The following EPG5 variants were observed in gnomAD, a reference collection of about 807,000 sequenced individuals.
EPG5 encodes the protein ectopic P granules protein 5 homolog.
A neutral mutation model predicts 302.7 loss-of-function variants in EPG5; 159 were observed. The ratio of observed to expected loss-of-function variants is 0.53; its 90% CI spans 0.46 to 0.60. EPG5 has a LOEUF of 0.60. EPG5 is among the 20% of genes least tolerant of loss of function. The pLI, the probability that EPG5 is intolerant of heterozygous loss-of-function variation, is 0.00. For synonymous variants in EPG5, 1,158 were observed against 1,136.8 expected, an observed-to-expected ratio of 1.02 and a Z score of -0.37; for missense variants, 2,896 against 3,092.4, an observed-to-expected ratio of 0.94 and a Z score of 1.51.
intron 11 of EPG5, among the ~76,000 whole-genome samples, chr18:45,931,291 G>A (rs932405910): frequency 1.3e-5 from 2 of 151,996 alleles, no homozygotes; most frequent in African/African-American, 4.8e-5. Context: ...GCACAAATAG[G>A]GCATTCCAAA....
chr18:45,866,122 CTT>C (rs11390724), intron 38 of EPG5, among the ~76,000 whole-genome samples: 15 of 141,420 alleles, frequency 1.1e-4, no homozygotes, highest in Admixed American at 2.8e-4. Flanking sequence ...GGTACTATTT[CTT>C]TTTTTTTTTT....
At chr18:45,822,413 G>C in the EPG5 span, among the ~76,000 whole-genome samples, 1 of 152,156 alleles carries the variant, frequency 6.6e-6, no homozygotes, top group East Asian at 1.9e-4. Context: ...GGAGAGGATA[G>C]GGAGAGATTT....
rs6507647 is a variant in EPG5, at chr18:45,916,226, G to A, written c.3385-20C>T. ...GTGTGCCTGTGGAGAAAAGGCTCATGTGATGGGAAAGATAACAACCAGCCT... is the reference window on the plus strand; with the variant it reads ...GTGTGCCTGTGGAGAAAAGGCTCATATGATGGGAAAGATAACAACCAGCCT... On this transcript the variant is annotated intron_variant, in intron 18 of 43. Coordinates refer to ENST00000282041, the MANE Select transcript of EPG5 (RefSeq NM_020964.3). 3.5e-3 allele frequency: 5,624 copies of A among 1,593,848 alleles called. 187 individuals carry two copies. The African/African-American group carries it at 0.067, about 19-fold the overall frequency.
intron 13 of EPG5, among the ~76,000 whole-genome samples, chr18:45,926,267 T>C (rs1406022791): frequency 6.6e-6 from 1 of 152,184 alleles, no homozygotes; most frequent in Non-Finnish European, 1.5e-5. Flanking sequence ...TTATTCATTC[T>C]ATGGCATTTA....
intron 21 of EPG5, among the ~76,000 whole-genome samples, chr18:45,913,090 C>CAA (rs34356703): frequency 6.5e-5 from 7 of 108,384 alleles, no homozygotes; most frequent in African/African-American, 1.5e-4. Context: ...GACTCTGTCT[C>CAA]AAAAAAAAAA....
At chr18:45,895,883 C>CT (rs1228103640) in intron 27 of EPG5, among the ~76,000 whole-genome samples, 1 of 152,168 alleles carries the variant, frequency 6.6e-6, no homozygotes, top group Non-Finnish European at 1.5e-5. Context: ...ATTAACACCT[C>CT]TTTTTCCAAA....
Position 45,848,036 on chromosome 18 carries a change from G to A in EPG5, c.*4431C>T, listed in dbSNP as rs1311715773. 6.6e-6 allele frequency: 1 copy of A among 152,002 alleles called. No homozygotes were observed. The highest frequency in any genetic ancestry group is 2.4e-5 in the African/African-American group (1 of 41,312). 9.4% of individuals were successfully genotyped at this position (152,002 alleles called of 1,614,324 possible). On this transcript the variant is annotated 3_prime_UTR_variant, in exon 44 of 44. Transcript: ENST00000282041. Reference sequence around the variant, plus strand: ...TTCATCAGGAATCAGGAACCTACCAGAGTGAAGGAAACCTCAAATACAGCT... The same window carrying A: ...TTCATCAGGAATCAGGAACCTACCAAAGTGAAGGAAACCTCAAATACAGCT...
intron 35 of EPG5, among the ~76,000 whole-genome samples, chr18:45,872,001 T>G (rs1023945922): frequency 3.9e-5 from 6 of 152,236 alleles, no homozygotes; most frequent in African/African-American, 1.4e-4. Flanking sequence ...CTTGATTTAA[T>G]CATGCCACAC....
intron 6 of EPG5, among the ~76,000 whole-genome samples, chr18:45,946,979 A>G (rs146001507): frequency 6.6e-6 from 1 of 152,380 alleles, no homozygotes; most frequent in East Asian, 1.9e-4. Flanking sequence ...AATGATGAAT[A>G]ATTGCAGAAA....
intron 1 of EPG5, among the ~76,000 whole-genome samples, chr18:45,963,388 G>C (rs999589493): frequency 4.6e-5 from 7 of 152,328 alleles, no homozygotes; most frequent in African/African-American, 1.7e-4. Context: ...AATCAAAAGA[G>C]AACTTTGGGA....
At chr18:45,922,629 T>C in intron 15 of EPG5, 29 bp from the exon 16 acceptor site, 1 of 1,609,408 alleles carries the variant, frequency 6.2e-7, no homozygotes, top group Non-Finnish European at 8.5e-7. Context: ...TTGAGCCACA[T>C]TAGTCACACA....
chr18:45,907,155 G>C (rs957491396), intron 24 of EPG5: 1 of 152,218 alleles, frequency 6.6e-6, no homozygotes, highest in African/African-American at 2.4e-5. Flanking sequence ...ACAAGAAAAA[G>C]ACACCTACTG....
At chr18:45,827,446 G>A in the EPG5 span, among the ~76,000 whole-genome samples, 2 of 152,214 alleles carry the variant, frequency 1.3e-5, no homozygotes, top group African/African-American at 2.4e-5. Context: ...ATCTTTCTGG[G>A]ATGATTTAGG....
chr18:45,921,233 A>G (rs977649814), intron 16 of EPG5, among the ~76,000 whole-genome samples: 1 of 152,234 alleles, frequency 6.6e-6, no homozygotes, highest in Admixed American at 6.5e-5. Context: ...GCTGAAGACT[A>G]CAGCTGATTG....
intron 11 of EPG5, among the ~76,000 whole-genome samples, chr18:45,932,215 ACT>A (rs1555677738): frequency 1.3e-5 from 2 of 152,252 alleles, no homozygotes; most frequent in South Asian, 2.1e-4. Context: ...ATTTTAAATA[ACT>A]CTATAGAAAA....
the EPG5 span, among the ~76,000 whole-genome samples, chr18:45,840,038 C>T: frequency 6.6e-6 from 1 of 152,156 alleles, no homozygotes; most frequent in Non-Finnish European, 1.5e-5. Context: ...CCTCTCCTCA[C>T]TAACTCCCCA....
chr18:45,854,934 T>C (rs1599417352), intron 43 of EPG5, among the ~76,000 whole-genome samples: 1 of 152,292 alleles, frequency 6.6e-6, no homozygotes, highest in Middle Eastern at 3.4e-3. Flanking sequence ...CTCACTAATA[T>C]TGGTCGAGTT....
rs751446768 is a variant in EPG5 at position 45,849,744 on chromosome 18, T to C, written c.*2723A>G. 1.3e-5 allele frequency: 2 copies of C among 152,276 alleles called. No homozygotes were observed. Among genetic ancestry groups the C allele is most frequent in the Non-Finnish European group, 2.9e-5 (2 of 68,084 alleles). 9.4% of individuals were successfully genotyped at this position (152,276 alleles called of 1,614,324 possible). A position where few individuals can be genotyped will look rare whatever the true frequency, so the allele number is the denominator to read the frequency against. On this transcript the variant is annotated 3_prime_UTR_variant, in exon 44 of 44. Transcript: ENST00000282041. Reference sequence around the variant, plus strand: ...ACCCCAGTGGGGCAGAGGCATGCGATGTCTGAGCCAACAAAGGATGGTGAG... The same window carrying C: ...ACCCCAGTGGGGCAGAGGCATGCGACGTCTGAGCCAACAAAGGATGGTGAG...
At chr18:45,937,212 T>C (rs1006713579) in intron 10 of EPG5, among the ~76,000 whole-genome samples, 1 of 147,246 alleles carries the variant, frequency 6.8e-6, no homozygotes, top group Admixed American at 7.0e-5. Context: ...ATTCAGGAAG[T>C]CTGGCATATA....
Sources: allele counts gnomAD v4.1 joint callset (sites outside exome capture counted in the v4.1 genomes callset), GRCh38; gene constraint gnomAD v4.1.1; transcripts MANE v1.5; gene names NCBI Gene and HGNC (gene_info 2026-07-23, HGNC 2026-07-21).